The following DENND6A variants were observed in gnomAD, a reference collection of about 807,000 sequenced individuals.
DENND6A encodes protein DENND6A.
Under a neutral mutation model 95.5 loss-of-function variants are expected in DENND6A, and 43 were observed. That is an observed-to-expected ratio of 0.45 (90% confidence interval 0.35 to 0.58). The LOEUF is 0.58. Ranked by LOEUF, DENND6A falls within the 20% of genes least tolerant of loss-of-function variation. The pLI is 0.00. For missense variants in DENND6A, 574 were observed against 736.0 expected, an observed-to-expected ratio of 0.78 and a Z score of 2.55; for synonymous variants, 257 against 260.4, an observed-to-expected ratio of 0.99 and a Z score of 0.13.
intron 1 of DENND6A, among the ~76,000 whole-genome samples, chr3:57,683,022 A>G (rs922216099): frequency 6.6e-6 from 1 of 152,196 alleles, no homozygotes; most frequent in African/African-American, 2.4e-5. Context: ...TCTGGAGAGC[A>G]GGGATTCTCA....
At chr3:57,636,932 GTC>G (rs2070807046) in intron 12 of DENND6A, among the ~76,000 whole-genome samples, 1 of 117,788 alleles carries the variant, frequency 8.5e-6, no homozygotes. Context: ...GCGAGACTCT[GTC>G]TCAAAAAAAA....
chr3:57,658,686 C>T (rs900507846), intron 8 of DENND6A, among the ~76,000 whole-genome samples: 1 of 152,136 alleles, frequency 6.6e-6, no homozygotes, highest in Non-Finnish European at 1.5e-5. Context: ...AAAAAATGTA[C>T]ACCAGTTAAA....
At chr3:57,635,732 T>C (rs924941213) in intron 12 of DENND6A, among the ~76,000 whole-genome samples, 3 of 152,236 alleles carry the variant, frequency 2.0e-5, no homozygotes, top group Admixed American at 6.5e-5. Context: ...TTTAAGAGTA[T>C]GTATTATGAT....
At chr3:57,683,588 A>G (rs1442296128) in intron 1 of DENND6A, among the ~76,000 whole-genome samples, 1 of 152,196 alleles carries the variant, frequency 6.6e-6, no homozygotes, top group Non-Finnish European at 1.5e-5. Flanking sequence ...CAGTTCATAC[A>G]ACTCAGAAAA....
At chr3:57,641,778 A>G (rs2070946331) in intron 11 of DENND6A, 31 bp from the exon 12 acceptor site, 2 of 1,554,304 alleles carry the variant, frequency 1.3e-6, no homozygotes, top group Non-Finnish European at 1.8e-6. Context: ...CAAAATAAAA[A>G]AGGTGAGAAA....
At chr3:57,658,807 G>T (rs1456093964) in intron 8 of DENND6A, among the ~76,000 whole-genome samples, 2 of 152,126 alleles carry the variant, frequency 1.3e-5, no homozygotes, top group African/African-American at 4.8e-5. Context: ...AAAATCAGAA[G>T]TCTGCTGGTC....
At chr3:57,654,984 T>C (rs1027621637) in intron 9 of DENND6A, 2 of 220,230 alleles carry the variant, frequency 9.1e-6, no homozygotes, top group African/African-American at 2.3e-5. Context: ...ATACTATCAC[T>C]GTGTGAGATT....
chr3:57,640,581 A>G (rs1224839523), intron 12 of DENND6A, among the ~76,000 whole-genome samples: 1 of 152,214 alleles, frequency 6.6e-6, no homozygotes, highest in East Asian at 1.9e-4. Context: ...CTGTCACATA[A>G]ATAGATAAAT....
chr3:57,691,686 A>C (rs1330863195), intron 1 of DENND6A, among the ~76,000 whole-genome samples: 1 of 151,522 alleles, frequency 6.6e-6, no homozygotes, highest in Non-Finnish European at 1.5e-5. Context: ...AAAAAAAAAA[A>C]AAAAAAACCA....
chr3:57,686,114 A>C (rs1392706012), intron 1 of DENND6A, among the ~76,000 whole-genome samples: 1 of 152,216 alleles, frequency 6.6e-6, no homozygotes, highest in Non-Finnish European at 1.5e-5. Context: ...ATAGAATCCC[A>C]ATAATACAAA....
At chr3:57,654,154 A>C (rs1308686243) in intron 9 of DENND6A, among the ~76,000 whole-genome samples, 1 of 149,544 alleles carries the variant, frequency 6.7e-6, no homozygotes, top group Non-Finnish European at 1.5e-5. Context: ...ACGGGGTTTC[A>C]CCGTGTTAGC....
intron 3 of DENND6A, among the ~76,000 whole-genome samples, chr3:57,668,279 A>G (rs1039288457): frequency 6.6e-6 from 1 of 152,194 alleles, no homozygotes; most frequent in Non-Finnish European, 1.5e-5. Context: ...CTGTCTACAA[A>G]GAAGAAATGT....
At chr3:57,637,419 T>C (rs191909810) in intron 12 of DENND6A, among the ~76,000 whole-genome samples, 139 of 152,330 alleles carry the variant, frequency 9.1e-4, no homozygotes, top group African/African-American at 2.6e-3. Context: ...ACACTAAATA[T>C]ATGTTTCTGG....
chr3:57,677,854 G>A (rs2071739950), intron 1 of DENND6A, among the ~76,000 whole-genome samples: 1 of 151,970 alleles, frequency 6.6e-6, no homozygotes. Flanking sequence ...CTGCATTTAT[G>A]GGAAGTTTGA....
intron 9 of DENND6A, among the ~76,000 whole-genome samples, chr3:57,648,804 G>C (rs921017313): frequency 1.3e-5 from 2 of 152,084 alleles, no homozygotes; most frequent in African/African-American, 4.8e-5. Context: ...TGAGATAATT[G>C]GCAAGCCACA....
chr3:57,659,094 C>A (rs1394326014), intron 8 of DENND6A, 24 bp downstream of exon 8: 1 of 1,612,472 alleles, frequency 6.2e-7, no homozygotes, highest in Non-Finnish European at 8.5e-7. Flanking sequence ...TGTGCTGGAT[C>A]ATTCTACCAT....
At chr3:57,685,498 T>C (rs1477629987) in intron 1 of DENND6A, among the ~76,000 whole-genome samples, 4 of 152,148 alleles carry the variant, frequency 2.6e-5, no homozygotes, top group Admixed American at 2.6e-4. Context: ...AAACCTGAAA[T>C]CCAAAATGCT....
intron 3 of DENND6A, among the ~76,000 whole-genome samples, chr3:57,668,935 C>T (rs757563070): frequency 2.0e-5 from 3 of 152,134 alleles, no homozygotes; most frequent in Admixed American, 2.0e-4. Flanking sequence ...TGCAGTGGCA[C>T]AATCTCGGCT....
chr3:57,670,961 T>C (rs575740525), intron 3 of DENND6A, among the ~76,000 whole-genome samples: 25 of 152,328 alleles, frequency 1.6e-4, no homozygotes, highest in African/African-American at 5.5e-4. Context: ...GATACATTCC[T>C]ACAAGACCTC....
Sources: gnomAD v4.1 joint callset for allele counts (sites outside exome capture counted in the v4.1 genomes callset) on GRCh38, gnomAD v4.1.1 for gene constraint, MANE v1.5 for transcripts, NCBI Gene and HGNC (gene_info 2026-07-23, HGNC 2026-07-21) for gene names.